RNF17: variants seen among roughly 807,000 people sequenced by gnomAD.
The protein encoded by RNF17 is spermatogenesis associated 23.
A neutral mutation model predicts 200.5 loss-of-function variants in RNF17; 31 were observed. That is an observed-to-expected ratio of 0.15 (90% CI 0.12 to 0.21). RNF17 has a LOEUF of 0.21. Among genes scored for constraint, RNF17 ranks in the 10% least tolerant of loss-of-function variants. RNF17 has a pLI of 1.00. For synonymous variants in RNF17, 606 were observed against 637.8 expected (o/e 0.95, Z 0.75); for missense variants, 1,628 against 1,905.1 (o/e 0.85, Z 2.71).
rs572457022 is a variant in RNF17, at chr13:24,789,305, G to T, written c.784-43G>T. ...AAAATCTTACTGTTCAGCAATATTTGTGACAAGATTCACACATGAATGATT... is the reference window on the plus strand; with the variant it reads ...AAAATCTTACTGTTCAGCAATATTTTTGACAAGATTCACACATGAATGATT... On this transcript the variant is annotated intron_variant, in intron 7 of 35. Coordinates refer to ENST00000255324, the MANE Select transcript of RNF17 (RefSeq NM_031277.3). 27 of 1,273,082 alleles carry T rather than the reference G, an allele frequency of 2.1e-5. No homozygotes were observed. In the South Asian group the frequency reaches 3.0e-4, roughly 14 times the overall value. The allele number at this position is 1,273,082 out of a possible 1,614,324, so 78.9% of individuals were successfully genotyped here. A position where few individuals can be genotyped will look rare whatever the true frequency, so the allele number is the denominator to read the frequency against.
intron 18 of RNF17, among the ~76,000 whole-genome samples, chr13:24,838,706 C>T (rs1020628102): frequency 6.6e-6 from 1 of 152,220 alleles, no homozygotes; most frequent in East Asian, 1.9e-4. Flanking sequence ...AAACCCACAG[C>T]CAACGTAATT....
chr13:24,759,117 C>CTAAAT, the RNF17 span, among the ~76,000 whole-genome samples: 1 of 144,530 alleles, frequency 6.9e-6, no homozygotes, highest in Non-Finnish European at 1.5e-5. Context: ...CACTTACATT[C>CTAAAT]TAAATTAGAA....
the RNF17 span, among the ~76,000 whole-genome samples, chr13:24,748,780 C>CT: frequency 1.3e-5 from 2 of 151,374 alleles, no homozygotes; most frequent in Non-Finnish European, 2.9e-5. Flanking sequence ...GGGTCTCACT[C>CT]TGTCACCCAG....
rs747782476 is a variant in RNF17, at chr13:24,850,442, A to G, written c.3203A>G (p.Glu1068Gly). ...ACTATAATCTTACAGGTGGATAGTG[A>G]GGTAACAAGTTACAAGAGATATGTG... The part of the protein sequence containing the change: ...VATIILQVDS[E>G]ENNTTWPLPV... The change falls in exon 23 of 36, where the codon GAG becomes GGG. Residue 1068 changes from glutamate (E) to glycine (G), a missense_variant and splice_region_variant. Transcript: ENST00000255324. The G allele has an allele frequency of 1.3e-6, 2 of 1,583,532 alleles. No individual in the cohort carries two copies. Among genetic ancestry groups the G allele is most frequent in the South Asian group, 1.1e-5 (1 of 89,810 alleles).
chr13:24,858,857 TG>T (rs1892799279), intron 25 of RNF17, 143 bp from the exon 26 acceptor site: 1 of 569,892 alleles, frequency 1.8e-6, no homozygotes, highest in Non-Finnish European at 3.1e-6. Flanking sequence ...ATTACTAGTA[TG>T]TTTTAAAACA....
chr13:24,882,135 TAG>T (rs1183905847), downstream of RNF17: 1,717 of 10,930 alleles, frequency 0.16, 688 homozygotes, highest in South Asian at 0.53. Flanking sequence ...TCTATATAGA[TAG>T]ATACATCTAT....
At chr13:24,763,180 ATGCTTGGACAAGT>A (rs1404182977), upstream of RNF17, among the ~76,000 whole-genome samples, 1 of 148,620 alleles carries the variant, frequency 6.7e-6, no homozygotes, top group Non-Finnish European at 1.5e-5. Flanking sequence ...TTTGTGAACT[ATGCTTGGACAAGT>A]TGCTTCAACT....
chr13:24,766,547 A>G (rs1340796961), intron 1 of RNF17, among the ~76,000 whole-genome samples: 2 of 152,240 alleles, frequency 1.3e-5, no homozygotes, highest in Non-Finnish European at 2.9e-5. Flanking sequence ...TGTCTTAAAT[A>G]ATTCTAACAG....
chr13:24,783,626 A>G (rs1320431076), intron 6 of RNF17, among the ~76,000 whole-genome samples: 1 of 152,012 alleles, frequency 6.6e-6, no homozygotes, highest in Non-Finnish European at 1.5e-5. Flanking sequence ...TTTTGATGCT[A>G]TTGTAAAAGG....
At chr13:24,788,302 T>G (rs1319640621) in intron 7 of RNF17, 143 bp downstream of exon 7, 1 of 536,936 alleles carries the variant, frequency 1.9e-6, no homozygotes, top group African/African-American at 2.0e-5. Flanking sequence ...ACAATATAGG[T>G]TAGGATAGTC....
In RNF17 at chr13:24,844,912, T is replaced by A. The variant is rs755468771; in HGVS notation, c.2983-49T>A. ...TGAGTTTTTCAGTTTGCCAAAAAAATATTTCGAAATGTTGTTTGTCTGTAG... is the reference window on the plus strand; with the variant it reads ...TGAGTTTTTCAGTTTGCCAAAAAAAAATTTCGAAATGTTGTTTGTCTGTAG... On this transcript the variant is annotated intron_variant, in intron 21 of 35. Coordinates refer to ENST00000255324, the MANE Select transcript of RNF17 (RefSeq NM_031277.3). 71 of 1,555,720 alleles carry A rather than the reference T, an allele frequency of 4.6e-5. 1 individual carries two copies. The Middle Eastern group carries it at 5.0e-4, about 11-fold the overall frequency.
chr13:24,775,172 T>C (rs1881385800), intron 3 of RNF17, among the ~76,000 whole-genome samples: 1 of 152,232 alleles, frequency 6.6e-6, no homozygotes, highest in African/African-American at 2.4e-5. Context: ...TGGCTAAAGT[T>C]ACTCGTGCTG....
rs1881852745 is a variant in RNF17 at position 24,778,266 on chromosome 13, A to G, written c.318-29A>G. The G allele has an allele frequency of 2.1e-6, 3 of 1,443,618 alleles. No individual in the cohort carries two copies. In the East Asian group the frequency reaches 6.8e-5, roughly 33 times the overall value. The allele number at this position is 1,443,618 out of a possible 1,614,324, so 89.4% of individuals were successfully genotyped here. A position where few individuals can be genotyped will look rare whatever the true frequency, so the allele number is the denominator to read the frequency against. On this transcript the variant is annotated intron_variant, in intron 3 of 35. Coordinates refer to ENST00000255324, the MANE Select transcript of RNF17 (RefSeq NM_031277.3). Reference sequence around the variant, plus strand: ...GACAGAGAAAGATCCTGTCACAAAAAATAAAATAATATACTTGATACTTTT... The same window carrying G: ...GACAGAGAAAGATCCTGTCACAAAAGATAAAATAATATACTTGATACTTTT...
chr13:24,821,163 A>G (rs764180731), intron 15 of RNF17, among the ~76,000 whole-genome samples: 3 of 152,114 alleles, frequency 2.0e-5, no homozygotes, highest in African/African-American at 4.8e-5. Flanking sequence ...TCATCTTCAC[A>G]TGGAGTTCTC....
chr13:24,871,721 C>T (rs1894277491), intron 32 of RNF17, among the ~76,000 whole-genome samples: 1 of 149,908 alleles, frequency 6.7e-6, no homozygotes, highest in African/African-American at 2.5e-5. Flanking sequence ...CAACCTCTGT[C>T]CCCTGGGTTC....
At chr13:24,805,795 G>T (rs1288612748) in intron 15 of RNF17, among the ~76,000 whole-genome samples, 3 of 151,938 alleles carry the variant, frequency 2.0e-5, no homozygotes, top group Non-Finnish European at 4.4e-5. Context: ...TTCTACAGCA[G>T]CTGCAGTTTT....
chr13:24,756,643 A>C, the RNF17 span, among the ~76,000 whole-genome samples: 2 of 152,144 alleles, frequency 1.3e-5, no homozygotes, highest in Admixed American at 6.6e-5. Context: ...GTTGGTTTTA[A>C]AGCAGGTCCT....
chr13:24,807,835 A>C (rs1467159558), intron 15 of RNF17, among the ~76,000 whole-genome samples: 2 of 151,746 alleles, frequency 1.3e-5, no homozygotes, highest in African/African-American at 4.8e-5. Context: ...AGGTGTAAGG[A>C]AGGGATCCAG....
Position 24,870,702 on chromosome 13 carries a change from G to T in RNF17, c.4410G>T (p.Lys1470Asn), listed in dbSNP as rs1894159971. The change falls in exon 32 of 36, where the codon AAG becomes AAT. Residue 1470 changes from lysine to asparagine, a missense_variant. This residue lies in a region of RNF17 where 609 missense variants were observed against 681.9 expected (regional missense o/e 0.89). Transcript: ENST00000255324. The stretch of plus-strand genomic sequence containing the variant: ...AAGCACTGCAGAGGGTTAATAAGAA[G>T]GTAGAGGCGCTTCCTCCTCTGACGG... The part of the protein sequence containing the change: ...LDEALQRVNK[K>N]VEALPPLTDF... 5.0e-6 allele frequency: 8 copies of T among 1,614,044 alleles called. No individual in the cohort carries two copies. The highest frequency in any genetic ancestry group is 6.8e-6 in the Non-Finnish European group (8 of 1,180,014).
Sources: gnomAD v4.1 joint callset for allele counts (sites outside exome capture counted in the v4.1 genomes callset) on GRCh38, gnomAD v4.1.1 for gene constraint, gnomAD v4.1.1 regional missense constraint, MANE v1.5 for transcripts, NCBI Gene and HGNC (gene_info 2026-07-23, HGNC 2026-07-21) for gene names.